NOSIP: variants seen among roughly 807,000 people sequenced by gnomAD.
NOSIP encodes nitric oxide synthase interacting protein, also known as nitric oxide synthase-interacting protein.
A neutral mutation model predicts 36.4 loss-of-function variants in NOSIP; 25 were observed. That is an observed-to-expected ratio of 0.69 (90% CI 0.50 to 0.96). The LOEUF is 0.96. Among genes scored for constraint, NOSIP ranks in the 40% least tolerant of loss-of-function variants. NOSIP has a pLI of 0.00. For synonymous variants in NOSIP, 187 were observed against 179.2 expected (o/e 1.04, Z -0.35); for missense variants, 370 against 429.0 (o/e 0.86, Z 1.21).
chr19:49,575,319 C>G (rs1404309651), intron 1 of NOSIP, among the ~76,000 whole-genome samples: 1 of 152,240 alleles, frequency 6.6e-6, no homozygotes, highest in East Asian at 1.9e-4. Flanking sequence ...ATAAGGACAC[C>G]AATCCATCAG....
At chr19:49,566,302 G>A (rs143322951) in intron 1 of NOSIP, among the ~76,000 whole-genome samples, 51 of 152,230 alleles carry the variant, frequency 3.4e-4, no homozygotes, top group African/African-American at 1.1e-3. Context: ...TTACAGGCGT[G>A]AGCCACTGCG....
intron 1 of NOSIP, among the ~76,000 whole-genome samples, chr19:49,564,725 C>T (rs943956106): frequency 2.6e-5 from 4 of 152,168 alleles, no homozygotes; most frequent in African/African-American, 4.8e-5. Context: ...TTACAAGACA[C>T]ATACACTGCC....
chr19:49,559,680 G>A, intron 3 of NOSIP: 1 of 506,874 alleles, frequency 2.0e-6, no homozygotes, highest in Non-Finnish European at 3.6e-6. Flanking sequence ...AAGGTGAGCT[G>A]CTCCGATGGC....
At chr19:49,579,678 G>T (rs1187093267) in intron 1 of NOSIP, among the ~76,000 whole-genome samples, 2 of 152,086 alleles carry the variant, frequency 1.3e-5, no homozygotes, top group East Asian at 3.8e-4. Context: ...GTAGATTCAC[G>T]AATAAATGCC....
chr19:49,569,119 C>G (rs1292914987), intron 1 of NOSIP, among the ~76,000 whole-genome samples: 1 of 149,158 alleles, frequency 6.7e-6, no homozygotes, highest in Admixed American at 6.8e-5. Context: ...ATCTTTAAAT[C>G]ATAATGCTTA....
chr19:49,556,568 AGGG>A lies in NOSIP; in HGVS notation c.703_705del (p.Pro235del). 6.2e-7 allele frequency: 1 copy of A among 1,605,870 alleles called. No homozygotes were observed. Among genetic ancestry groups the A allele is most frequent in the Non-Finnish European group, 8.5e-7 (1 of 1,179,146 alleles). On this transcript the variant is annotated inframe_deletion, in exon 7 of 9. Coordinates refer to ENST00000596358, the MANE Select transcript of NOSIP (RefSeq NM_001270960.2). ...ACTCACGAGGGCCGCAGCACAGCGC[AGGG>A]GGTGGCGTTGCTCAGGCTGTCGCGG... is the stretch of plus-strand genomic sequence containing the variant.
chr19:49,576,835 G>C (rs1292716747), intron 1 of NOSIP, among the ~76,000 whole-genome samples: 2 of 128,506 alleles, frequency 1.6e-5, no homozygotes, highest in Non-Finnish European at 3.1e-5. Context: ...GATGAGCCAA[G>C]ATCGCACCAT....
chr19:49,566,587 T>C (rs8103904), intron 1 of NOSIP: 42,228 of 151,810 alleles, frequency 0.28, 8,646 homozygotes, highest in African/African-American at 0.58. Context: ...GGGTATGAGC[T>C]ACTGCACCCA....
chr19:49,562,853 C>T (rs971192342), intron 1 of NOSIP, among the ~76,000 whole-genome samples: 2 of 152,064 alleles, frequency 1.3e-5, no homozygotes, highest in Non-Finnish European at 2.9e-5. Context: ...ACACTCCAGC[C>T]TGGTGACAGA....
intron 1 of NOSIP, among the ~76,000 whole-genome samples, chr19:49,573,105 C>T (rs1264456663): frequency 6.6e-6 from 1 of 152,004 alleles, no homozygotes; most frequent in Admixed American, 6.6e-5. Flanking sequence ...CAAATAGTTG[C>T]TATAAATGAA....
intron 1 of NOSIP, among the ~76,000 whole-genome samples, chr19:49,565,965 C>G (rs2080402147): frequency 6.6e-6 from 1 of 152,056 alleles, no homozygotes; most frequent in Non-Finnish European, 1.5e-5. Context: ...TACCCAATGT[C>G]TAGCACGTGT....
intron 1 of NOSIP, among the ~76,000 whole-genome samples, chr19:49,570,726 C>T (rs141972101): frequency 3.9e-4 from 59 of 152,192 alleles, no homozygotes; most frequent in Non-Finnish European, 7.1e-4. Flanking sequence ...ACCTGCCATC[C>T]GCTCCCCAGC....
chr19:49,567,221 C>G (rs1282635808), intron 1 of NOSIP, among the ~76,000 whole-genome samples: 1 of 147,466 alleles, frequency 6.8e-6, no homozygotes, highest in Admixed American at 6.8e-5. Flanking sequence ...CTCCCGGGTT[C>G]ACGCCATTCT....
At chr19:49,555,889 G>A in intron 8 of NOSIP, 67 bp from the exon 9 acceptor site, 1 of 1,193,610 alleles carries the variant, frequency 8.4e-7, no homozygotes. Context: ...GCTCCAGGTG[G>A]TAGTGGGGAT....
chr19:49,560,425 G>A lies in NOSIP; in HGVS notation c.70+197C>T, dbSNP rs1371673035. ...TCTGTTGGGAGGAGTGAGTTCATGC[G>A]CAGAAGGCAGAGAACACAGTGCCGG... On this transcript the variant is annotated intron_variant, in intron 2 of 8. Coordinates refer to ENST00000596358, the MANE Select transcript of NOSIP (RefSeq NM_001270960.2). The surrounding 1 kb of genome is among the most constrained non-coding windows in gnomAD (Gnocchi z 4.6). 10 of 604,058 alleles carry A rather than the reference G, an allele frequency of 1.7e-5. No homozygotes were observed. The highest frequency in any genetic ancestry group is 8.2e-5 in the Admixed American group (3 of 36,582). 37.4% of individuals were successfully genotyped at this position (604,058 alleles called of 1,614,324 possible).
At chr19:49,561,702 T>G (rs933010532) in intron 1 of NOSIP, among the ~76,000 whole-genome samples, 6 of 152,012 alleles carry the variant, frequency 3.9e-5, no homozygotes, top group Non-Finnish European at 8.8e-5. Flanking sequence ...GCCAACATGG[T>G]GAAACCCCGT....
Position 49,557,104 on chromosome 19 carries a change from G to A in NOSIP, c.404C>T (p.Ser135Leu), listed in dbSNP as rs768477864. 7 of 1,612,002 alleles carry A rather than the reference G, an allele frequency of 4.3e-6. No individual in the cohort carries two copies. In the Admixed American group the frequency reaches 5.0e-5, roughly 12 times the overall value. ...ACCTGAGTCACCTGGGCTGGTGCCCGAGAGGGCCTTGGCTGTGAAAGGGTT... is the reference window on the plus strand; with the variant it reads ...ACCTGAGTCACCTGGGCTGGTGCCCAAGAGGGCCTTGGCTGTGAAAGGGTT... ...PLNPFTAKAL[S>L]GTSPDDVQPG... The change falls in exon 5 of 9, where the codon TCG becomes TTG. Residue 135 changes from serine (S) to leucine (L), a missense_variant. This residue lies in a region of NOSIP where 315 missense variants were observed against 331.9 expected (regional missense o/e 0.95). Coordinates refer to ENST00000596358, the MANE Select transcript of NOSIP (RefSeq NM_001270960.2).
chr19:49,569,275 G>A (rs1435630991), intron 1 of NOSIP, among the ~76,000 whole-genome samples: 1 of 140,028 alleles, frequency 7.1e-6, no homozygotes, highest in Non-Finnish European at 1.6e-5. Flanking sequence ...CTCACTGCAA[G>A]CTCCACCTCC....
intron 1 of NOSIP, among the ~76,000 whole-genome samples, chr19:49,575,099 G>A (rs532089791): frequency 3.3e-5 from 5 of 152,044 alleles, no homozygotes; most frequent in Non-Finnish European, 7.4e-5. Context: ...TCCTGACTTC[G>A]TGATCTGCCC....
Sources: gnomAD v4.1 joint callset for allele counts (sites outside exome capture counted in the v4.1 genomes callset) on GRCh38, gnomAD v4.1.1 for gene constraint, gnomAD v4.1.1 regional missense constraint, Gnocchi (gnomAD v3.1) non-coding constraint, MANE v1.5 for transcripts, NCBI Gene and HGNC (gene_info 2026-07-23, HGNC 2026-07-21) for gene names.